Variants in SLC7A2 observed in about 807,000 individuals in gnomAD.
SLC7A2 encodes cationic amino acid transporter 2.
Under a neutral mutation model 58.9 loss-of-function variants are expected in SLC7A2, and 48 were observed. The observed-to-expected ratio is 0.82, with a 90% confidence interval of 0.65 to 1.04. SLC7A2 has a LOEUF of 1.04. Among genes scored for constraint, SLC7A2 ranks in the 50% least tolerant of loss-of-function variants. The pLI is 0.00. For synonymous variants in SLC7A2, 363 were observed against 314.5 expected (o/e 1.15, Z -1.63); for missense variants, 1,029 against 818.8 (o/e 1.26, Z -3.13).
At chr8:17,545,018 A>G (rs935755586) in intron 4 of SLC7A2, among the ~76,000 whole-genome samples, 3 of 152,222 alleles carry the variant, frequency 2.0e-5, no homozygotes, top group African/African-American at 7.2e-5. Flanking sequence ...ACATGGCTTC[A>G]TCTATATAAT....
chr8:17,565,129 A>G lies in SLC7A2; in HGVS notation c.1960A>G (p.Lys654Glu), dbSNP rs1803207325. ...CAGTTCACCTTTCATATTCCATGAA[A>G]AGACAAGTGAATTCTAACACTTGCA... is the stretch of plus-strand genomic sequence containing the variant. ...NLSSPFIFHE[K>E]TSEF The change falls in exon 13 of 13, where the codon AAG becomes GAG. Residue 654 changes from lysine (K) to glutamate (E), a missense_variant. Coordinates refer to ENST00000494857, the MANE Select transcript of SLC7A2 (RefSeq NM_001370338.1). 1 of 1,612,960 alleles carries G rather than the reference A, an allele frequency of 6.2e-7. No individual in the cohort carries two copies. Among genetic ancestry groups the G allele is most frequent in the African/African-American group, 1.3e-5 (1 of 74,868 alleles).
intron 11 of SLC7A2, among the ~76,000 whole-genome samples, chr8:17,563,104 C>G (rs919332602): frequency 6.6e-6 from 1 of 152,184 alleles, no homozygotes; most frequent in African/African-American, 2.4e-5. Context: ...CATAGTATCA[C>G]TGCACTCTAG....
rs56335308 is a variant in SLC7A2 at position 17,561,952 on chromosome 8, G to A, written c.1513G>A (p.Val505Met). ...SFLVGFLAFL[V>M]LGLSVLTTYG... ...TACACATCCCCCTGCAGCTTTCCTCGTGTTGGGCCTGAGTGTCTTGACCAC... is the reference window on the plus strand; with the variant it reads ...TACACATCCCCCTGCAGCTTTCCTCATGTTGGGCCTGAGTGTCTTGACCAC... The change falls in exon 11 of 13, where the codon GTG (valine) becomes ATG (methionine). Residue 505 changes from valine to methionine, a missense_variant. Coordinates refer to ENST00000494857, the MANE Select transcript of SLC7A2 (RefSeq NM_001370338.1). 0.024 allele frequency: 38,061 copies of A among 1,613,864 alleles called. 565 individuals are homozygous for A. Among genetic ancestry groups the A allele is most frequent in the East Asian group, 0.05 (2,260 of 44,848 alleles).
chr8:17,516,901 T>A (rs974517150), intron 2 of SLC7A2, among the ~76,000 whole-genome samples: 1 of 152,158 alleles, frequency 6.6e-6, no homozygotes, highest in Admixed American at 6.5e-5. Flanking sequence ...AACAGAGCAG[T>A]CAAACAAATC....
At chr8:17,539,368 A>AG (rs1469917084) in intron 2 of SLC7A2, among the ~76,000 whole-genome samples, 4 of 152,208 alleles carry the variant, frequency 2.6e-5, no homozygotes, top group African/African-American at 9.6e-5. Flanking sequence ...ATGTATCATT[A>AG]GGCTCATGAA....
chr8:17,528,486 G>C (rs1374961492), intron 2 of SLC7A2, among the ~76,000 whole-genome samples: 1 of 151,996 alleles, frequency 6.6e-6, no homozygotes, highest in Non-Finnish European at 1.5e-5. Context: ...CTGGACTCAA[G>C]GGATCCTCCC....
intron 8 of SLC7A2, among the ~76,000 whole-genome samples, chr8:17,555,829 G>C (rs142296056): frequency 1.5e-3 from 229 of 152,244 alleles, no homozygotes; most frequent in African/African-American, 5.2e-3. Context: ...AAATTTCAGT[G>C]AGATTCTAGA....
intron 2 of SLC7A2, among the ~76,000 whole-genome samples, chr8:17,532,501 G>A (rs1801501756): frequency 6.6e-6 from 1 of 152,024 alleles, no homozygotes; most frequent in Non-Finnish European, 1.5e-5. Flanking sequence ...TTTGGAAATT[G>A]CCTTTAGATT....
intron 2 of SLC7A2, among the ~76,000 whole-genome samples, chr8:17,525,219 A>G (rs1801176511): frequency 6.6e-6 from 1 of 152,178 alleles, no homozygotes; most frequent in African/African-American, 2.4e-5. Flanking sequence ...CATTATGAGT[A>G]TTCCTCTACT....
chr8:17,504,472 A>G (rs1800287694), intron 2 of SLC7A2, among the ~76,000 whole-genome samples: 1 of 152,246 alleles, frequency 6.6e-6, no homozygotes, highest in South Asian at 2.1e-4. Context: ...CATACTTGAT[A>G]GAATTGCCAG....
In SLC7A2 at chr8:17,516,324, C is replaced by T. The variant is rs1350633288; in HGVS notation, c.-23+14022C>T. Among the ~76,000 whole-genome samples the T allele has an allele frequency of 4.6e-5, 7 of 152,206 alleles. No individual in the cohort carries two copies. In the East Asian group the frequency reaches 1.4e-3, roughly 29 times the overall value. On this transcript the variant is annotated intron_variant, in intron 2 of 12. Transcript: ENST00000494857. ...CACTGCAACCTCCGCCTTCCAGTCT[C>T]AAGCGATTATCCTGCCTCAGCCTCC...
intron 2 of SLC7A2, among the ~76,000 whole-genome samples, chr8:17,529,775 A>G (rs949216299): frequency 6.6e-6 from 1 of 151,926 alleles, no homozygotes; most frequent in Admixed American, 6.6e-5. Context: ...GGCCTCAAGT[A>G]ATCCGCCCAC....
intron 7 of SLC7A2, among the ~76,000 whole-genome samples, chr8:17,552,234 T>C (rs2285293): frequency 0.046 from 7,051 of 152,160 alleles, 316 homozygotes; most frequent in African/African-American, 0.11. Context: ...ACATATGGCA[T>C]TGATACACAC....
At chr8:17,554,799 A>G in intron 8 of SLC7A2, 100 bp downstream of exon 8, 2 of 1,460,230 alleles carry the variant, frequency 1.4e-6, no homozygotes, top group Non-Finnish European at 1.8e-6. Flanking sequence ...TTTGATTTCC[A>G]AGAAGTTCAG....
At chr8:17,529,644 C>T (rs1222603729) in intron 2 of SLC7A2, among the ~76,000 whole-genome samples, 2 of 151,946 alleles carry the variant, frequency 1.3e-5, no homozygotes, top group Non-Finnish European at 1.5e-5. Context: ...AAGAGATTCT[C>T]CTGCCTCAGC....
At chr8:17,558,484 G>C (rs772589302) in intron 9 of SLC7A2, 87 bp downstream of exon 9, 1 of 780,604 alleles carries the variant, frequency 1.3e-6, no homozygotes, top group South Asian at 1.8e-5. Flanking sequence ...CTGGCTTCCA[G>C]GGAGCCAGCA....
At chr8:17,524,201 C>A (rs1801128838) in intron 2 of SLC7A2, among the ~76,000 whole-genome samples, 3 of 152,084 alleles carry the variant, frequency 2.0e-5, no homozygotes, top group African/African-American at 7.2e-5. Flanking sequence ...TGTGGAGATT[C>A]CTTAAAGAAT....
At chr8:17,561,890 C>CAATCTGG in intron 10 of SLC7A2, 54 bp from the exon 11 acceptor site, 2 of 1,557,598 alleles carry the variant, frequency 1.3e-6, no homozygotes, top group Non-Finnish European at 8.8e-7. Flanking sequence ...TTGCACCAAG[C>CAATCTGG]AATCTGGGTG....
intron 11 of SLC7A2, among the ~76,000 whole-genome samples, chr8:17,563,058 A>C (rs1803095673): frequency 6.6e-6 from 1 of 152,212 alleles, no homozygotes; most frequent in Non-Finnish European, 1.5e-5. Flanking sequence ...TGGGAGGATC[A>C]CTGGAACCCA....
Sources: gnomAD v4.1 joint callset for allele counts (sites outside exome capture counted in the v4.1 genomes callset) on GRCh38, gnomAD v4.1.1 for gene constraint, MANE v1.5 for transcripts, NCBI Gene and HGNC (gene_info 2026-07-23, HGNC 2026-07-21) for gene names.